The following TMEM108 variants were observed in gnomAD, a reference collection of about 807,000 sequenced individuals.
TMEM108 encodes the protein transmembrane protein 108.
In TMEM108, 12 loss-of-function variants were observed where a neutral mutation model predicts 35.1. That is an observed-to-expected ratio of 0.34 (90% CI 0.22 to 0.55). The LOEUF (loss-of-function observed/expected upper bound fraction) is 0.55, where lower values mean the gene tolerates loss of function less well. TMEM108 is among the 20% of genes least tolerant of loss of function. The probability of loss-of-function intolerance (pLI) is 0.89; values close to 1 mark genes in which losing one functional copy is unlikely to be tolerated. For missense variants in TMEM108, 680 were observed against 753.3 expected, an observed-to-expected ratio of 0.90 and a Z score of 1.14; for synonymous variants, 287 against 308.6, an observed-to-expected ratio of 0.93 and a Z score of 0.73.
intron 2 of TMEM108, among the ~76,000 whole-genome samples, chr3:133,142,387 G>A (rs1168764619): frequency 2.6e-5 from 4 of 152,192 alleles, no homozygotes; most frequent in African/African-American, 9.7e-5. Flanking sequence ...ATTTGAGGAT[G>A]GACAGCATTC....
At chr3:133,122,885 G>A (rs1025780856) in intron 2 of TMEM108, among the ~76,000 whole-genome samples, 3 of 150,068 alleles carry the variant, frequency 2.0e-5, no homozygotes, top group Non-Finnish European at 3.0e-5. Context: ...AAAAAAATTG[G>A]TCAACATTTT....
At chr3:133,323,260 AAAGATTCATCCAAAAACCCTG>A (rs2071288777) in intron 3 of TMEM108, among the ~76,000 whole-genome samples, 2 of 152,096 alleles carry the variant, frequency 1.3e-5, no homozygotes, top group African/African-American at 4.8e-5. Flanking sequence ...ATTCATCCAA[AAAGATTCATCCAAAAACCCTG>A]AAGATTCATC....
intron 4 of TMEM108, chr3:133,387,689 C>G (rs1216627915): frequency 1.6e-6 from 1 of 628,846 alleles, no homozygotes; most frequent in Non-Finnish European, 2.0e-6. Context: ...GTTTCAGCAC[C>G]TACTGTGCAC....
At chr3:133,095,644 T>C (rs1944002744) in intron 2 of TMEM108, among the ~76,000 whole-genome samples, 1 of 152,058 alleles carries the variant, frequency 6.6e-6, no homozygotes, top group African/African-American at 2.4e-5. Flanking sequence ...TAGATTCTCA[T>C]AAGGAGGATG....
intron 2 of TMEM108, among the ~76,000 whole-genome samples, chr3:133,226,957 A>G (rs990461553): frequency 2.0e-5 from 3 of 151,990 alleles, no homozygotes; most frequent in African/African-American, 7.2e-5. Context: ...AAAGAGAGAG[A>G]GCTTGTGCAG....
intron 2 of TMEM108, among the ~76,000 whole-genome samples, chr3:133,207,437 C>T (rs1411889440): frequency 6.6e-6 from 1 of 152,104 alleles, no homozygotes; most frequent in African/African-American, 2.4e-5. Flanking sequence ...GCCATCTTGC[C>T]AGCCCTCCCC....
At chr3:133,335,467 A>C (rs1393943427) in intron 3 of TMEM108, among the ~76,000 whole-genome samples, 5 of 152,350 alleles carry the variant, frequency 3.3e-5, no homozygotes, top group Non-Finnish European at 5.9e-5. Context: ...ATGAATGTGT[A>C]ATGTACTATA....
intron 2 of TMEM108, among the ~76,000 whole-genome samples, chr3:133,200,904 T>G (rs1033137209): frequency 4.6e-5 from 7 of 152,362 alleles, no homozygotes; most frequent in African/African-American, 1.7e-4. Flanking sequence ...AGTAACCACA[T>G]GTAGCTAGTA....
intron 2 of TMEM108, among the ~76,000 whole-genome samples, chr3:133,051,948 T>G (rs1484438124): frequency 6.6e-6 from 1 of 152,172 alleles, no homozygotes; most frequent in Non-Finnish European, 1.5e-5. Flanking sequence ...TCAACTCAGT[T>G]CTGCTTTAAT....
At chr3:133,180,275 G>A (rs1945313663) in intron 2 of TMEM108, among the ~76,000 whole-genome samples, 1 of 152,070 alleles carries the variant, frequency 6.6e-6, no homozygotes, top group African/African-American at 2.4e-5. Context: ...CTGACCAGAA[G>A]TTCATACTGC....
intron 2 of TMEM108, among the ~76,000 whole-genome samples, chr3:133,051,566 T>G (rs4627751): frequency 0.4 from 60,857 of 151,868 alleles, 12,762 homozygotes; most frequent in Admixed American, 0.5. Flanking sequence ...CCTTTTGTGT[T>G]GTATCTAAAA....
chr3:133,257,542 A>C lies in TMEM108; in HGVS notation c.40+28191A>C, dbSNP rs73217545. 7.0e-4 allele frequency among the ~76,000 whole-genome samples: 106 copies of C among 152,334 alleles called. 1 individual carries two copies. The highest frequency in any genetic ancestry group is 9.3e-4 in the Non-Finnish European group (63 of 68,036). The stretch of plus-strand genomic sequence containing the variant: ...TTGATCCCCCTGAAACAAAACCTAA[A>C]GAAGTATTGTGTTTCTCCCTCTAAA... On this transcript the variant is annotated intron_variant, in intron 3 of 5. Transcript: ENST00000321871.
chr3:133,060,360 G>A (rs943064553), intron 2 of TMEM108, among the ~76,000 whole-genome samples: 13 of 152,298 alleles, frequency 8.5e-5, no homozygotes, highest in African/African-American at 2.9e-4. Flanking sequence ...ACGTAGTAGA[G>A]CATGGCCTGT....
intron 3 of TMEM108, among the ~76,000 whole-genome samples, chr3:133,335,662 G>A (rs535184829): frequency 6.6e-6 from 1 of 152,192 alleles, no homozygotes; most frequent in Non-Finnish European, 1.5e-5. Flanking sequence ...TCAAATAGAA[G>A]GCTCTATCAA....
At chr3:133,146,444 G>A (rs1430192478) in intron 2 of TMEM108, among the ~76,000 whole-genome samples, 5 of 152,142 alleles carry the variant, frequency 3.3e-5, no homozygotes, top group South Asian at 4.1e-4. Flanking sequence ...TAGTGTTTCC[G>A]ACAGGTTTTG....
chr3:133,042,051 C>T (rs1943282072), intron 1 of TMEM108, among the ~76,000 whole-genome samples: 1 of 152,180 alleles, frequency 6.6e-6, no homozygotes, highest in Admixed American at 6.5e-5. Context: ...ATATTAGCAG[C>T]CCCAAACTTG....
chr3:133,235,140 A>G (rs1285127713), intron 3 of TMEM108, among the ~76,000 whole-genome samples: 7 of 152,176 alleles, frequency 4.6e-5, no homozygotes, highest in East Asian at 1.9e-4. Context: ...ATGTTCATGG[A>G]TAGGAAGAAT....
chr3:133,171,315 A>T (rs374687172), intron 2 of TMEM108, among the ~76,000 whole-genome samples: 4 of 152,226 alleles, frequency 2.6e-5, no homozygotes, highest in Non-Finnish European at 5.9e-5. Context: ...TATTGCTAGT[A>T]TATAATTTTA....
chr3:133,166,403 T>C (rs1448107338), intron 2 of TMEM108, among the ~76,000 whole-genome samples: 4 of 152,192 alleles, frequency 2.6e-5, no homozygotes, highest in African/African-American at 9.7e-5. Context: ...GTGTCCAAAA[T>C]TGGTGGGTTC....
Sources: gnomAD v4.1 joint callset for allele counts (sites outside exome capture counted in the v4.1 genomes callset) on GRCh38, gnomAD v4.1.1 for gene constraint, MANE v1.5 for transcripts, NCBI Gene and HGNC (gene_info 2026-07-23, HGNC 2026-07-21) for gene names.